The following TBC1D4 variants were observed in gnomAD, a reference collection of about 807,000 sequenced individuals.
TBC1D4 encodes TBC (Tre-2, BUB2, CDC16) domain-containing protein.
Under a neutral mutation model 142.5 loss-of-function variants are expected in TBC1D4, and 121 were observed. The observed-to-expected ratio is 0.85, with a 90% confidence interval of 0.73 to 0.99. The LOEUF is 0.99. Ranked by LOEUF, TBC1D4 falls within the 50% of genes least tolerant of loss-of-function variation. TBC1D4 has a pLI of 0.00. For synonymous variants in TBC1D4, 630 were observed against 628.2 expected, an observed-to-expected ratio of 1.00 and a Z score of -0.04; for missense variants, 1,475 against 1,606.6, an observed-to-expected ratio of 0.92 and a Z score of 1.40.
At chr13:75,298,031 T>C (rs1290666353) in intron 17 of TBC1D4, among the ~76,000 whole-genome samples, 1 of 152,146 alleles carries the variant, frequency 6.6e-6, no homozygotes, top group Non-Finnish European at 1.5e-5. Flanking sequence ...ACGCTCAGAC[T>C]AAAAATACAA....
intron 1 of TBC1D4, among the ~76,000 whole-genome samples, chr13:75,436,869 TC>T (rs1886822263): frequency 6.6e-6 from 1 of 152,134 alleles, no homozygotes; most frequent in Non-Finnish European, 1.5e-5. Context: ...AAAGTTAATA[TC>T]ACCAGTAATG....
At chr13:75,434,639 G>A (rs112614043) in intron 1 of TBC1D4, among the ~76,000 whole-genome samples, 164 of 151,630 alleles carry the variant, frequency 1.1e-3, no homozygotes, top group African/African-American at 3.5e-3. Flanking sequence ...CCCCCAAACC[G>A]AAAATAAAAG....
chr13:75,467,558 A>G (rs1301794504), intron 1 of TBC1D4, among the ~76,000 whole-genome samples: 2 of 152,248 alleles, frequency 1.3e-5, no homozygotes, highest in African/African-American at 4.8e-5. Context: ...CTCATACTAG[A>G]CAGACTATGA....
At chr13:75,334,767 G>A (rs1017184308) in intron 8 of TBC1D4, among the ~76,000 whole-genome samples, 2 of 151,894 alleles carry the variant, frequency 1.3e-5, no homozygotes, top group African/African-American at 4.8e-5. Flanking sequence ...TGTATTTTTA[G>A]TAGAGACGGG....
At chr13:75,474,700 G>A (rs1888564201) in intron 1 of TBC1D4, among the ~76,000 whole-genome samples, 1 of 139,500 alleles carries the variant, frequency 7.2e-6, no homozygotes, top group Non-Finnish European at 1.6e-5. Context: ...GCAGTGGTAC[G>A]ATCCAGGCTC....
chr13:75,301,160 T>C (rs370604196), intron 16 of TBC1D4, among the ~76,000 whole-genome samples: 1 of 152,040 alleles, frequency 6.6e-6, no homozygotes, highest in African/African-American at 2.4e-5. Context: ...AAATAACATA[T>C]CTGGCCACCT....
rs779704251 is a variant in TBC1D4, at chr13:75,295,038, A to T, written c.3157-25T>A. Reference sequence around the variant, plus strand: ...TCTAAAGTTAATTTGGAGAAGAAAAAAAATATTATGCATTTATCTGCATGT... The same window carrying T: ...TCTAAAGTTAATTTGGAGAAGAAAATAAATATTATGCATTTATCTGCATGT... On this transcript the variant is annotated intron_variant, in intron 17 of 20. Coordinates refer to ENST00000377636, the MANE Select transcript of TBC1D4 (RefSeq NM_014832.5). The T allele has an allele frequency of 7.0e-5, 112 of 1,611,236 alleles. 1 individual carries two copies. The South Asian group carries it at 1.0e-3, about 15-fold the overall frequency.
intron 5 of TBC1D4, among the ~76,000 whole-genome samples, chr13:75,341,955 G>C (rs922074506): frequency 1.4e-4 from 22 of 152,208 alleles, no homozygotes; most frequent in African/African-American, 3.9e-4. Flanking sequence ...CCTGGTGACA[G>C]TGTGGCCACA....
At position 75,283,812 on chromosome 13, in the gene TBC1D4, G is replaced by A. The variant is rs1050330689; in HGVS notation, c.*2980C>T. Among the ~76,000 whole-genome samples the A allele has an allele frequency of 6.6e-6, 1 of 152,150 alleles. No individual in the cohort carries two copies. The highest frequency in any genetic ancestry group is 1.5e-5 in the Non-Finnish European group (1 of 68,018). ...CATAAATGTCTCCTAAATTATCTTT[G>A]TTGTCTGACTCTATTAGGAAGAATT... On this transcript the variant is annotated 3_prime_UTR_variant, in exon 21 of 21. Transcript: ENST00000377636.
At chr13:75,336,024 T>C (rs1880167894) in intron 8 of TBC1D4, among the ~76,000 whole-genome samples, 1 of 152,176 alleles carries the variant, frequency 6.6e-6, no homozygotes, top group Admixed American at 6.5e-5. Flanking sequence ...ACATATATAT[T>C]TCTACTACTA....
rs1874466666 is a variant in TBC1D4, at chr13:75,283,772, G to T, written c.*3020C>A. Among the ~76,000 whole-genome samples, 1 of 152,176 alleles carries T rather than the reference G, an allele frequency of 6.6e-6. No homozygotes were observed. The highest frequency in any genetic ancestry group is 2.1e-4 in the South Asian group (1 of 4,836). On this transcript the variant is annotated 3_prime_UTR_variant, in exon 21 of 21. Coordinates refer to ENST00000377636, the MANE Select transcript of TBC1D4 (RefSeq NM_014832.5). ...CATTGAGAAAGTAAGTTGAAAAATG[G>T]TAACAATGTACTTACATAAATGTCT...
At chr13:75,313,600 C>T (rs1173355996) in intron 12 of TBC1D4, among the ~76,000 whole-genome samples, 3 of 152,362 alleles carry the variant, frequency 2.0e-5, no homozygotes, top group African/African-American at 7.2e-5. Flanking sequence ...CAGCTCATTG[C>T]AGCCTCGACC....
chr13:75,341,140 G>A lies in TBC1D4; in HGVS notation c.1596C>T (p.Ile532=), dbSNP rs1425510825. 5.0e-6 allele frequency: 8 copies of A among 1,613,104 alleles called. No individual in the cohort carries two copies. The highest frequency in any genetic ancestry group is 4.5e-5 in the East Asian group (2 of 44,800). The change falls in exon 7 of 21, where the codon ATC becomes ATT. Residue 532 remains isoleucine (I), a synonymous_variant. Coordinates refer to ENST00000377636, the MANE Select transcript of TBC1D4 (RefSeq NM_014832.5). The part of the protein sequence containing the change: ...CEAKQKTHVH[I]GEGPSTISNS... Reference sequence around the variant, plus strand: ...ATCTTCTCACAGAAGGGCCTTCCCCGATGTGCACGTGTGTCTTCTGCTTGG... The same window carrying A: ...ATCTTCTCACAGAAGGGCCTTCCCCAATGTGCACGTGTGTCTTCTGCTTGG...
Position 75,310,169 on chromosome 13 carries a change from G to GT in TBC1D4, c.2384-19dup. On this transcript the variant is annotated intron_variant, in intron 13 of 20. Transcript: ENST00000377636. ...CAATCCATCTGCAGAGAAGAACACA[G>GT]TGAGAGGCATTCCTTAGCAGTAACC... The GT allele has an allele frequency of 6.2e-7, 1 of 1,610,084 alleles. No individual in the cohort carries two copies. The highest frequency in any genetic ancestry group is 8.5e-7 in the Non-Finnish European group (1 of 1,177,630).
chr13:75,311,854 T>C (rs1289188016), intron 13 of TBC1D4, among the ~76,000 whole-genome samples: 3 of 152,186 alleles, frequency 2.0e-5, no homozygotes, highest in Admixed American at 6.5e-5. Flanking sequence ...ATGTTCCAAG[T>C]GTGCTAAAAA....
intron 1 of TBC1D4, among the ~76,000 whole-genome samples, chr13:75,406,939 G>A (rs1450378798): frequency 6.6e-6 from 1 of 152,158 alleles, no homozygotes; most frequent in African/African-American, 2.4e-5. Flanking sequence ...GCATCATTCT[G>A]ATCAACACCC....
rs964107633 is a variant in TBC1D4, at chr13:75,320,007, T to C, written c.2222+7A>G. On this transcript the variant is annotated splice_region_variant and intron_variant, in intron 12 of 20. Transcript: ENST00000377636. ...TTTTAAATAAAAATACGTAGACCTC[T>C]AATCACCTTGATTCTGAAGCAGTGT... 1.2e-6 allele frequency: 2 copies of C among 1,612,786 alleles called. No homozygotes were observed. Among genetic ancestry groups the C allele is most frequent in the African/African-American group, 1.3e-5 (1 of 74,894 alleles).
rs1881422505 is a variant in TBC1D4 at position 75,349,376 on chromosome 13, G to C, written c.1276-74C>G. 7 of 1,583,980 alleles carry C rather than the reference G, an allele frequency of 4.4e-6. No homozygotes were observed. The South Asian group carries it at 6.7e-5, about 15-fold the overall frequency. ...AACATTCAACATTCAACAGCAATGT[G>C]AGCCTTTGTTGATGCTGACTAAATA... On this transcript the variant is annotated intron_variant, in intron 4 of 20. Transcript: ENST00000377636.
intron 1 of TBC1D4, among the ~76,000 whole-genome samples, chr13:75,473,305 T>A (rs1419295403): frequency 2.6e-5 from 4 of 152,176 alleles, no homozygotes; most frequent in Non-Finnish European, 5.9e-5. Flanking sequence ...AATGTATTTG[T>A]CCAAGTTACA....
Sources: gnomAD v4.1 joint callset for allele counts (sites outside exome capture counted in the v4.1 genomes callset) on GRCh38, gnomAD v4.1.1 for gene constraint, MANE v1.5 for transcripts, NCBI Gene and HGNC (gene_info 2026-07-23, HGNC 2026-07-21) for gene names.